A2M: variants seen among roughly 807,000 people sequenced by gnomAD.
The protein encoded by A2M is alpha-2-macroglobulin, also known as C3 and PZP-like alpha-2-macroglobulin domain-containing protein 5.
Under a neutral mutation model 183.9 loss-of-function variants are expected in A2M, and 128 were observed. That is an observed-to-expected ratio of 0.70 (90% CI 0.60 to 0.81). The LOEUF (loss-of-function observed/expected upper bound fraction) is 0.81. Among genes scored for constraint, A2M ranks in the 30% least tolerant of loss-of-function variants. The pLI is 0.00. For synonymous variants in A2M, 592 were observed against 670.8 expected, an observed-to-expected ratio of 0.88 and a Z score of 1.81; for missense variants, 1,495 against 1,787.6, an observed-to-expected ratio of 0.84 and a Z score of 2.95.
intron 23 of A2M, 69 bp from the exon 24 acceptor site, chr12:9,079,884 A>C (rs1948858615): frequency 1.5e-6 from 2 of 1,377,652 alleles, no homozygotes; most frequent in Non-Finnish European, 1.9e-6. Context: ...ATTAAGCAGA[A>C]ATAATTAGTT....
intron 22 of A2M, among the ~76,000 whole-genome samples, chr12:9,085,632 C>T (rs1273960623): frequency 6.6e-6 from 1 of 151,564 alleles, no homozygotes; most frequent in African/African-American, 2.4e-5. Context: ...TCAAAATTGG[C>T]AGAAGAAAGG....
At chr12:9,089,866 A>G (rs754905845) in intron 21 of A2M, 36 bp downstream of exon 21, 8 of 1,412,470 alleles carry the variant, frequency 5.7e-6, no homozygotes, top group Non-Finnish European at 6.8e-6. Flanking sequence ...TATATTATAT[A>G]TTATTGTGGA....
At chr12:9,079,375 A>C in intron 24 of A2M, 44 bp from the exon 25 acceptor site, 5 of 1,530,364 alleles carry the variant, frequency 3.3e-6, no homozygotes, top group Non-Finnish European at 4.5e-6. Flanking sequence ...ATTAATGTGC[A>C]TGCTGAGGGT....
At chr12:9,077,579 T>TTTAAGGTTATATTAA in intron 26 of A2M, 122 bp downstream of exon 26, 1 of 1,506,906 alleles carries the variant, frequency 6.6e-7, no homozygotes. Flanking sequence ...TCTTTTTTGG[T>TTTAAGGTTATATTAA]GCCATCCAGG....
chr12:9,099,293 G>T, intron 14 of A2M, 88 bp downstream of exon 14: 1 of 1,264,280 alleles, frequency 7.9e-7, no homozygotes, highest in Non-Finnish European at 1.1e-6. Context: ...AACCCTTTTG[G>T]CCCTAATGTT....
At chr12:9,079,195 A>G (rs375489011) in intron 25 of A2M, 49 bp downstream of exon 25, 410 of 1,453,494 alleles carry the variant, frequency 2.8e-4, no homozygotes, top group Non-Finnish European at 3.8e-4. Context: ...TAATACATGT[A>G]AAAGAGCTGG....
chr12:9,070,663 G>T, intron 31 of A2M, 85 bp from the exon 32 acceptor site: 1 of 874,670 alleles, frequency 1.1e-6, no homozygotes, highest in Non-Finnish European at 1.8e-6. Context: ...GCATTCCACA[G>T]CTCTAAAAGG....
At position 9,113,363 on chromosome 12, in the gene A2M, G is replaced by T. The variant is rs376824145; in HGVS notation, c.267C>A (p.Phe89Leu). ...AENDVLHCVA[F>L]AVPKSSSNEE... ...TAAGTCAAACAGCCACACTCACAGC[G>T]AAGGCGACACAGTGGAGTACGTCAT... The change falls in exon 2 of 36, where the codon TTC becomes TTA. Residue 89 changes from phenylalanine to leucine, a missense_variant. Phe to Leu is a conservative substitution (Grantham distance 22). Coordinates refer to ENST00000318602, the MANE Select transcript of A2M (RefSeq NM_000014.6). The T allele has an allele frequency of 2.5e-6, 4 of 1,612,898 alleles. No individual in the cohort carries two copies. The highest frequency in any genetic ancestry group is 3.4e-6 in the Non-Finnish European group (4 of 1,179,704).
intron 17 of A2M, 53 bp downstream of exon 17, chr12:9,094,920 T>A (rs113144850): frequency 4.9e-6 from 5 of 1,017,104 alleles, no homozygotes; most frequent in Non-Finnish European, 6.8e-6. Flanking sequence ...TTTAAAAAAT[T>A]TAAAATTTGG....
chr12:9,112,497 T>G lies in A2M; in HGVS notation c.310A>C (p.Thr104Pro). The G allele has an allele frequency of 6.2e-7, 1 of 1,613,802 alleles. No individual in the cohort carries two copies. ...TGGGTTGGTCCTTTCACTTGGACAG[T>G]GAGGAACATTACCTCCTCATTGGAT... ...SSSNEEVMFL[T>P]VQVKGPTQEF... The change falls in exon 3 of 36, where the codon ACT becomes CCT. Residue 104 changes from threonine (T) to proline (P), a missense_variant. By Grantham distance (38) the Thr-to-Pro change is conservative. Transcript: ENST00000318602.
At chr12:9,068,257 A>G in intron 34 of A2M, 33 bp from the exon 35 acceptor site, 1 of 1,597,290 alleles carries the variant, frequency 6.3e-7, no homozygotes, top group Non-Finnish European at 8.5e-7. Flanking sequence ...AAAACCAGAA[A>G]TCATTACATG....
chr12:9,102,570 C>G (rs1937962522), intron 11 of A2M, among the ~76,000 whole-genome samples: 1 of 152,118 alleles, frequency 6.6e-6, no homozygotes, highest in South Asian at 2.1e-4. Flanking sequence ...CCTCAGAGGC[C>G]CTATTTGGGT....
At chr12:9,087,744 T>C (rs938109898) in intron 22 of A2M, among the ~76,000 whole-genome samples, 5 of 152,152 alleles carry the variant, frequency 3.3e-5, no homozygotes, top group African/African-American at 1.2e-4. Flanking sequence ...CTTTGTATGC[T>C]GTATATATAT....
intron 27 of A2M, among the ~76,000 whole-genome samples, 159 bp downstream of exon 27, chr12:9,077,187 A>G (rs1433196335): frequency 2.0e-5 from 3 of 152,184 alleles, no homozygotes; most frequent in Non-Finnish European, 4.4e-5. Flanking sequence ...AACCTTTCTT[A>G]ATGGGCTGAC....
intron 7 of A2M, among the ~76,000 whole-genome samples, chr12:9,108,227 G>C (rs993447978): frequency 1.3e-5 from 2 of 152,122 alleles, no homozygotes; most frequent in African/African-American, 4.8e-5. Context: ...CTGGGTTCAT[G>C]CCATTCTCCT....
intron 19 of A2M, among the ~76,000 whole-genome samples, chr12:9,090,799 A>G (rs1949187340): frequency 6.6e-6 from 1 of 152,190 alleles, no homozygotes; most frequent in African/African-American, 2.4e-5. Context: ...CCGGCAGAGG[A>G]TACAAGACTT....
At chr12:9,113,617 C>A in intron 1 of A2M, 74 bp from the exon 2 acceptor site, 1 of 1,407,286 alleles carries the variant, frequency 7.1e-7, no homozygotes, top group South Asian at 1.2e-5. Flanking sequence ...TTTTTTCCAT[C>A]ATCATAATTA....
At chr12:9,099,248 C>A in intron 14 of A2M, 133 bp downstream of exon 14, 1 of 800,818 alleles carries the variant, frequency 1.2e-6, no homozygotes. Flanking sequence ...GTGACTCTGC[C>A]ACTACCTTGC....
chr12:9,110,101 T>G, intron 5 of A2M, 66 bp from the exon 6 acceptor site: 5 of 1,516,992 alleles, frequency 3.3e-6, no homozygotes, highest in Non-Finnish European at 4.5e-6. Context: ...AAAAGATATC[T>G]ATGGAAACCC....
Sources: gnomAD v4.1 joint callset for allele counts (sites outside exome capture counted in the v4.1 genomes callset) on GRCh38, gnomAD v4.1.1 for gene constraint, MANE v1.5 for transcripts, NCBI Gene and HGNC (gene_info 2026-07-23, HGNC 2026-07-21) for gene names.